MTHFD1L: variants seen among roughly 807,000 people sequenced by gnomAD.
MTHFD1L encodes monofunctional C1-tetrahydrofolate synthase, mitochondrial.
In MTHFD1L, 81 loss-of-function variants were observed where a neutral mutation model predicts 119.5. The ratio of observed to expected loss-of-function variants is 0.68; its 90% CI spans 0.57 to 0.82. MTHFD1L has a LOEUF of 0.82. MTHFD1L is among the 40% of genes least tolerant of loss of function. MTHFD1L has a pLI of 0.00. For missense variants in MTHFD1L, 1,125 were observed against 1,253.4 expected (o/e 0.90, Z 1.55); for synonymous variants, 430 against 475.2 (o/e 0.90, Z 1.24).
intron 24 of MTHFD1L, among the ~76,000 whole-genome samples, chr6:151,021,187 C>T (rs975495332): frequency 1.3e-5 from 2 of 152,192 alleles, no homozygotes; most frequent in African/African-American, 4.8e-5. Flanking sequence ...GACAGTGACA[C>T]CAACTTCACC....
At chr6:150,893,925 T>C (rs1783776998) in intron 7 of MTHFD1L, among the ~76,000 whole-genome samples, 2 of 152,150 alleles carry the variant, frequency 1.3e-5, no homozygotes, top group South Asian at 2.1e-4. Context: ...CCCTACTTTA[T>C]GGGGCAGTTG....
intron 26 of MTHFD1L, among the ~76,000 whole-genome samples, chr6:151,064,345 C>T (rs1790984950): frequency 6.6e-6 from 1 of 152,178 alleles, no homozygotes. Flanking sequence ...GATGGAGTCA[C>T]TCTGTCGCCC....
chr6:150,927,396 T>C (rs2081518764), intron 11 of MTHFD1L, among the ~76,000 whole-genome samples: 1 of 151,978 alleles, frequency 6.6e-6, no homozygotes, highest in Non-Finnish European at 1.5e-5. Context: ...TGAGTGAATA[T>C]TGAGCTATGT....
At chr6:151,046,497 A>G (rs1468852270) in intron 26 of MTHFD1L, among the ~76,000 whole-genome samples, 30 of 136,300 alleles carry the variant, frequency 2.2e-4, no homozygotes, top group Non-Finnish European at 3.5e-4. Context: ...ATATATATAT[A>G]TATATATATA....
intron 27 of MTHFD1L, among the ~76,000 whole-genome samples, chr6:151,096,348 A>C (rs1175632308): frequency 6.6e-6 from 1 of 152,134 alleles, no homozygotes; most frequent in Non-Finnish European, 1.5e-5. Flanking sequence ...TGCTAAATAC[A>C]GTTCTGGGCT....
chr6:150,958,797 C>G lies in MTHFD1L; in HGVS notation c.1804-1478C>G, dbSNP rs570684010. ...TTGCAAAACAGAAATGAGCAGCCTT[C>G]CGCTATGCACGTCATTTAGTCATTA... On this transcript the variant is annotated intron_variant, in intron 17 of 27. Transcript: ENST00000367321. Among the ~76,000 whole-genome samples, 5 of 152,288 alleles carry G rather than the reference C, an allele frequency of 3.3e-5. No individual in the cohort carries two copies. In the South Asian group the frequency reaches 1.0e-3, roughly 32 times the overall value.
Position 151,034,560 on chromosome 6 carries a change from C to G in MTHFD1L, c.2654C>G (p.Ser885Cys), listed in dbSNP as rs753786210. 81 of 1,611,706 alleles carry G rather than the reference C, an allele frequency of 5.0e-5. No homozygotes were observed. Among genetic ancestry groups the G allele is most frequent in the Admixed American group, 5.0e-4 (30 of 59,982 alleles). The change falls in exon 25 of 28, where the codon TCT becomes TGT. Residue 885 changes from serine (S) to cysteine (C), a missense_variant. Around this residue, in one of 3 missense-constraint regions of MTHFD1L, gnomAD observed 1,058 missense variants for 1,151.2 expected, o/e 0.92. Transcript: ENST00000367321. ...TATGGAGCCAAAGATATTGAACTCTCTCCTGAGGCACAAGCCAAAATAGAT... is the reference window on the plus strand; with the variant it reads ...TATGGAGCCAAAGATATTGAACTCTGTCCTGAGGCACAAGCCAAAATAGAT... Reference protein sequence around the residue: ...AVYGAKDIELSPEAQAKIDRY... With the variant: ...AVYGAKDIELCPEAQAKIDRY...
rs368137200 is a variant in MTHFD1L at position 151,085,600 on chromosome 6, A to G, written c.2848-6867A>G. Among the ~76,000 whole-genome samples the G allele has an allele frequency of 6.6e-5, 10 of 152,148 alleles. No individual in the cohort carries two copies. The East Asian group carries it at 1.7e-3, about 27-fold the overall frequency. ...AGCCTGGCCAACATGGCAAAACCCC[A>G]TCTCTACTAAAAATTCAAAAATTAC... On this transcript the variant is annotated intron_variant, in intron 26 of 27. Coordinates refer to ENST00000367321, the MANE Select transcript of MTHFD1L (RefSeq NM_015440.5).
intron 7 of MTHFD1L, among the ~76,000 whole-genome samples, chr6:150,896,669 G>A (rs1784273992): frequency 6.6e-6 from 1 of 152,174 alleles, no homozygotes; most frequent in Admixed American, 6.5e-5. Context: ...TCATTGCTCT[G>A]TTTGTTAATA....
chr6:150,871,519 T>TTG (rs1562286327), intron 1 of MTHFD1L, among the ~76,000 whole-genome samples: 4 of 132,096 alleles, frequency 3.0e-5, no homozygotes, highest in African/African-American at 1.2e-4. Context: ...TTTTTTTTTT[T>TTG]GAGATGGAAT....
intron 14 of MTHFD1L, 134 bp from the exon 15 acceptor site, chr6:150,945,333 C>T (rs2128959267): frequency 4.7e-6 from 3 of 641,016 alleles, no homozygotes; most frequent in South Asian, 2.2e-5. Flanking sequence ...TATATTAGCC[C>T]ACAAATTTTA....
intron 20 of MTHFD1L, among the ~76,000 whole-genome samples, chr6:150,974,631 A>G (rs1284524270): frequency 6.6e-6 from 1 of 151,962 alleles, no homozygotes; most frequent in African/African-American, 2.4e-5. Flanking sequence ...GAGTGGAATC[A>G]TGTAGTATTT....
chr6:151,074,408 TGTA>T (rs1209099645), intron 26 of MTHFD1L, among the ~76,000 whole-genome samples: 1 of 152,172 alleles, frequency 6.6e-6, no homozygotes. Flanking sequence ...ATAATAAAAA[TGTA>T]GTATAGCGTT....
intron 24 of MTHFD1L, chr6:151,021,914 A>C (rs1278671422): frequency 2.4e-6 from 1 of 413,244 alleles, no homozygotes; most frequent in East Asian, 7.7e-5. Context: ...TTAAGGTTGA[A>C]AATCATCTCT....
chr6:151,028,212 C>T (rs2128517669), intron 24 of MTHFD1L, among the ~76,000 whole-genome samples: 1 of 152,288 alleles, frequency 6.6e-6, no homozygotes, highest in East Asian at 1.9e-4. Context: ...AAGTAAACCA[C>T]AACTACTCAT....
intron 18 of MTHFD1L, among the ~76,000 whole-genome samples, chr6:150,963,953 G>A (rs1796827416): frequency 6.6e-6 from 1 of 152,198 alleles, no homozygotes; most frequent in Admixed American, 6.5e-5. Context: ...AGATCATGAA[G>A]TCAGGAGTTC....
chr6:150,898,798 A>G, intron 7 of MTHFD1L: 1 of 368,288 alleles, frequency 2.7e-6, no homozygotes. Context: ...CCACGTTTGA[A>G]TTTTATGTTT....
chr6:150,997,709 T>C (rs900674099), intron 20 of MTHFD1L, among the ~76,000 whole-genome samples: 1 of 152,172 alleles, frequency 6.6e-6, no homozygotes. Flanking sequence ...GAGGATCACC[T>C]GAGCCCTGGA....
chr6:151,045,527 G>C (rs534509057), intron 26 of MTHFD1L, among the ~76,000 whole-genome samples: 1 of 152,322 alleles, frequency 6.6e-6, no homozygotes, highest in East Asian at 1.9e-4. Context: ...CTGGGTCCTG[G>C]TTTGGCCCCA....
Sources: gnomAD v4.1 joint callset for allele counts (sites outside exome capture counted in the v4.1 genomes callset) on GRCh38, gnomAD v4.1.1 for gene constraint, gnomAD v4.1.1 regional missense constraint, MANE v1.5 for transcripts, NCBI Gene and HGNC (gene_info 2026-07-23, HGNC 2026-07-21) for gene names.